The following CNTNAP2 variants were observed in gnomAD, a reference collection of about 807,000 sequenced individuals.
CNTNAP2 encodes contactin associated protein 2.
In CNTNAP2, 98 loss-of-function variants were observed where a neutral mutation model predicts 155.2. The ratio of observed to expected loss-of-function variants is 0.63; its 90% CI spans 0.54 to 0.75. The LOEUF (loss-of-function observed/expected upper bound fraction) is 0.75, where lower values mean the gene tolerates loss of function less well. CNTNAP2 is among the 30% of genes least tolerant of loss of function. The pLI is 0.00. For synonymous variants in CNTNAP2, 651 were observed against 631.2 expected, an observed-to-expected ratio of 1.03 and a Z score of -0.47; for missense variants, 1,727 against 1,688.1, an observed-to-expected ratio of 1.02 and a Z score of -0.40.
At chr7:147,388,577 CT>C (rs71527809) in intron 9 of CNTNAP2, among the ~76,000 whole-genome samples, 2 of 151,292 alleles carry the variant, frequency 1.3e-5, no homozygotes, top group Admixed American at 6.6e-5. Flanking sequence ...TTCATTCTGT[CT>C]TTTTTTTTCT....
chr7:148,072,002 G>A (rs17547084), intron 15 of CNTNAP2, among the ~76,000 whole-genome samples: 5,804 of 152,244 alleles, frequency 0.038, 193 homozygotes, highest in Admixed American at 0.11. Context: ...TCTGACTAGC[G>A]TATTAGTTAA....
intron 11 of CNTNAP2, among the ~76,000 whole-genome samples, chr7:147,515,483 C>A (rs1005304071): frequency 7.9e-5 from 12 of 151,880 alleles, no homozygotes; most frequent in African/African-American, 2.9e-4. Flanking sequence ...ATACCATGCC[C>A]AGCTAATTTT....
intron 22 of CNTNAP2, among the ~76,000 whole-genome samples, chr7:148,392,400 T>C (rs530872733): frequency 1.6e-4 from 25 of 152,308 alleles, no homozygotes; most frequent in African/African-American, 5.8e-4. Flanking sequence ...GGACTTCTAG[T>C]AGGTCCAGGC....
At chr7:146,273,339 T>C (rs1282779297) in intron 1 of CNTNAP2, among the ~76,000 whole-genome samples, 3 of 152,106 alleles carry the variant, frequency 2.0e-5, no homozygotes, top group East Asian at 1.9e-4. Flanking sequence ...AAGTGTAATA[T>C]AAAAATGTAA....
At chr7:147,363,632 C>A (rs1796180480) in intron 9 of CNTNAP2, among the ~76,000 whole-genome samples, 1 of 152,208 alleles carries the variant, frequency 6.6e-6, no homozygotes, top group African/African-American at 2.4e-5. Context: ...TTTGATAAAG[C>A]ATATATTGCT....
intron 1 of CNTNAP2, among the ~76,000 whole-genome samples, chr7:146,242,762 A>G (rs1311222068): frequency 6.6e-6 from 1 of 152,178 alleles, no homozygotes; most frequent in Admixed American, 6.5e-5. Context: ...ATATTATTTC[A>G]TAAAAAATTA....
At chr7:146,665,783 T>A (rs373408768) in intron 1 of CNTNAP2, among the ~76,000 whole-genome samples, 4 of 48,306 alleles carry the variant, frequency 8.3e-5, no homozygotes, top group East Asian at 5.9e-4. Flanking sequence ...TCTGTCTCAT[T>A]AAAAAAAAAA....
intron 1 of CNTNAP2, among the ~76,000 whole-genome samples, chr7:146,304,047 T>A (rs1304729557): frequency 6.6e-6 from 1 of 152,012 alleles, no homozygotes; most frequent in Non-Finnish European, 1.5e-5. Flanking sequence ...CTTTCGATCT[T>A]TGTTGGTTTA....
chr7:148,064,038 G>A (rs544252316), intron 15 of CNTNAP2, among the ~76,000 whole-genome samples: 1 of 152,144 alleles, frequency 6.6e-6, no homozygotes, highest in African/African-American at 2.4e-5. Context: ...TCAGTTGGCT[G>A]TAAGTATTTG....
chr7:146,350,000 A>G (rs960973504), intron 1 of CNTNAP2, among the ~76,000 whole-genome samples: 2 of 151,910 alleles, frequency 1.3e-5, no homozygotes, highest in Admixed American at 1.3e-4. Context: ...TATTTCCTGA[A>G]TCTGAATGTT....
At chr7:148,059,857 GA>G (rs1255193063) in intron 15 of CNTNAP2, among the ~76,000 whole-genome samples, 2 of 151,608 alleles carry the variant, frequency 1.3e-5, no homozygotes, top group Non-Finnish European at 2.9e-5. Flanking sequence ...ATTAATACTT[GA>G]GTGCATATTA....
intron 9 of CNTNAP2, among the ~76,000 whole-genome samples, chr7:147,366,191 T>G (rs930971224): frequency 6.6e-6 from 1 of 152,174 alleles, no homozygotes; most frequent in African/African-American, 2.4e-5. Context: ...ATCCCATTCA[T>G]TAGATTTCCA....
At chr7:146,268,065 G>C (rs2129082860) in intron 1 of CNTNAP2, among the ~76,000 whole-genome samples, 1 of 152,242 alleles carries the variant, frequency 6.6e-6, no homozygotes, top group South Asian at 2.1e-4. Context: ...AACACCACAT[G>C]ATTTGTTCTT....
intron 23 of CNTNAP2, among the ~76,000 whole-genome samples, chr7:148,411,347 T>C (rs1057175338): frequency 1.3e-5 from 2 of 152,116 alleles, no homozygotes; most frequent in African/African-American, 4.8e-5. Context: ...TTCACTGCAA[T>C]CTCTGCCTCC....
chr7:147,085,799 C>T (rs1393044132), intron 4 of CNTNAP2: 1 of 152,174 alleles, frequency 6.6e-6, no homozygotes, highest in Non-Finnish European at 1.5e-5. Flanking sequence ...AATCCTTTTA[C>T]AAGTTGTCCT....
At chr7:147,468,438 C>T (rs1469574272) in intron 10 of CNTNAP2, among the ~76,000 whole-genome samples, 1 of 152,106 alleles carries the variant, frequency 6.6e-6, no homozygotes. Context: ...TTTGGTCTTG[C>T]TTTTCTAAGT....
chr7:147,625,152 G>A (rs181280624), intron 12 of CNTNAP2, among the ~76,000 whole-genome samples: 64 of 152,156 alleles, frequency 4.2e-4, no homozygotes, highest in African/African-American at 1.3e-3. Context: ...TGGTTAATAA[G>A]TACAAAAAAT....
chr7:147,299,895 C>T (rs1794909518), intron 8 of CNTNAP2, among the ~76,000 whole-genome samples: 1 of 152,124 alleles, frequency 6.6e-6, no homozygotes, highest in South Asian at 2.1e-4. Flanking sequence ...TCCCTAAGTA[C>T]ACAGCGGTAT....
At chr7:147,791,456 T>C (rs960040502) in intron 13 of CNTNAP2, among the ~76,000 whole-genome samples, 13 of 149,238 alleles carry the variant, frequency 8.7e-5, no homozygotes, top group East Asian at 2.0e-4. Context: ...TCTCTCTCTT[T>C]TTTTTTTTTT....
Sources: gnomAD v4.1 joint callset for allele counts (sites outside exome capture counted in the v4.1 genomes callset) on GRCh38, gnomAD v4.1.1 for gene constraint, MANE v1.5 for transcripts, NCBI Gene and HGNC (gene_info 2026-07-23, HGNC 2026-07-21) for gene names.